PPP1R14C: variants seen among roughly 807,000 people sequenced by gnomAD.
PPP1R14C encodes the protein protein phosphatase 1 regulatory subunit 14C.
A neutral mutation model predicts 20.4 loss-of-function variants in PPP1R14C; 16 were observed. The ratio of observed to expected loss-of-function variants is 0.78; its 90% CI spans 0.53 to 1.19. The LOEUF (loss-of-function observed/expected upper bound fraction) is 1.19. PPP1R14C is among the 50% of genes most tolerant of loss of function. The pLI, the probability that PPP1R14C is intolerant of heterozygous loss-of-function variation, is 0.00. For synonymous variants in PPP1R14C, 91 were observed against 91.0 expected (o/e 1.00, Z 0.00); for missense variants, 211 against 220.1 (o/e 0.96, Z 0.26).
At position 150,201,553 on chromosome 6, in the gene PPP1R14C, G is replaced by T. The variant is rs73782244; in HGVS notation, c.307-13191G>T. ...GCATTGAATGGAGAGGAGGCCGGGAGCCCAGCAGGGGAAGCCTTCCAGGCA... is the reference window on the plus strand; with the variant it reads ...GCATTGAATGGAGAGGAGGCCGGGATCCCAGCAGGGGAAGCCTTCCAGGCA... On this transcript the variant is annotated intron_variant, in intron 1 of 3. Transcript: ENST00000361131. This position sits in a 1 kb window ranked among gnomAD's most constrained non-coding sequence, Gnocchi z 4.2. Among the ~76,000 whole-genome samples the T allele has an allele frequency of 5.9e-5, 9 of 152,260 alleles. No homozygotes were observed. Among genetic ancestry groups the T allele is most frequent in the East Asian group, 1.9e-4 (1 of 5,176 alleles).
At chr6:150,233,524 T>G (rs901729852) in intron 3 of PPP1R14C, among the ~76,000 whole-genome samples, 2 of 152,136 alleles carry the variant, frequency 1.3e-5, no homozygotes, top group Non-Finnish European at 2.9e-5. Context: ...AAAATCAAAT[T>G]TGATAATTAG....
At chr6:150,172,400 CTG>C (rs1194729178) in intron 1 of PPP1R14C, among the ~76,000 whole-genome samples, 1 of 152,036 alleles carries the variant, frequency 6.6e-6, no homozygotes, top group Non-Finnish European at 1.5e-5. Flanking sequence ...TTTTGTAAAG[CTG>C]TGTTTTTGTG....
intron 1 of PPP1R14C, chr6:150,195,181 C>A: frequency 1.0e-6 from 1 of 983,574 alleles, no homozygotes. Flanking sequence ...TAAGCCTAAG[C>A]ATTTTACATG....
Position 150,143,514 on chromosome 6 carries a change from GCT to G in PPP1R14C, c.306+17_306+18del. The G allele has an allele frequency of 6.6e-7, 1 of 1,512,658 alleles. No homozygotes were observed. The highest frequency in any genetic ancestry group is 9.0e-7 in the Non-Finnish European group (1 of 1,109,000). The allele number at this position is 1,512,658 out of a possible 1,614,324, so 93.7% of individuals were successfully genotyped here. ...CGGCTGCGAGGTACCTGGGCGCGGGGCTGGGAGGGTCGGGGACCTCTCTAGCT... is the reference window on the plus strand; with the variant it reads ...CGGCTGCGAGGTACCTGGGCGCGGGGGGGAGGGTCGGGGACCTCTCTAGCT... On this transcript the variant is annotated intron_variant, in intron 1 of 3. Transcript: ENST00000361131. The surrounding 1 kb of genome is among the most constrained non-coding windows in gnomAD (Gnocchi z 5.6).
At chr6:150,217,788 CTGTT>C (rs1385790063) in intron 3 of PPP1R14C, among the ~76,000 whole-genome samples, 18 of 152,114 alleles carry the variant, frequency 1.2e-4, no homozygotes, top group Admixed American at 2.0e-4. Context: ...GTTTTGAAGT[CTGTT>C]TGTAACATCA....
In PPP1R14C at chr6:150,250,368, A is replaced by G. The variant is rs943388122; in HGVS notation, c.*1548A>G. On this transcript the variant is annotated 3_prime_UTR_variant, in exon 4 of 4. Coordinates refer to ENST00000361131, the MANE Select transcript of PPP1R14C (RefSeq NM_030949.3). The stretch of plus-strand genomic sequence containing the variant: ...TGGAGCTGCTTACAAGCCTGTTGAC[A>G]TGTGTGGCTTGCACAACACGTTAAC... 87 of 152,678 alleles carry G rather than the reference A, an allele frequency of 5.7e-4. 3 individuals are homozygous for G. Among genetic ancestry groups the G allele is most frequent in the Admixed American group, 6.5e-5 (1 of 15,288 alleles). 9.5% of individuals were successfully genotyped at this position (152,678 alleles called of 1,614,324 possible).
chr6:150,165,037 A>G (rs978633467), intron 1 of PPP1R14C, among the ~76,000 whole-genome samples: 1 of 152,210 alleles, frequency 6.6e-6, no homozygotes, highest in Admixed American at 6.5e-5. Flanking sequence ...ACCTTGATGA[A>G]CTTCCCAGCT....
chr6:150,196,094 T>C, intron 1 of PPP1R14C: 1 of 985,388 alleles, frequency 1.0e-6, no homozygotes, highest in Non-Finnish European at 1.2e-6. Context: ...CCCCTTTCTA[T>C]AAATAGGAGC....
At chr6:150,216,989 G>A (rs1778102219) in intron 3 of PPP1R14C, 133 bp downstream of exon 3, 2 of 644,540 alleles carry the variant, frequency 3.1e-6, no homozygotes, top group Middle Eastern at 5.3e-4. Flanking sequence ...ATCCATGAGT[G>A]CATATGTTTG....
At position 150,201,068 on chromosome 6, in the gene PPP1R14C, T is replaced by C. The variant is rs1287530974; in HGVS notation, c.307-13676T>C. ...GGGGCCATACATTTTGAGGTCAGAT[T>C]GTCCAGGTTTGGAACTAAGGAAGCG... On this transcript the variant is annotated intron_variant, in intron 1 of 3. Transcript: ENST00000361131. This position sits in a 1 kb window ranked among gnomAD's most constrained non-coding sequence, Gnocchi z 4.2. Among the ~76,000 whole-genome samples, 1 of 152,224 alleles carries C rather than the reference T, an allele frequency of 6.6e-6. No homozygotes were observed. The highest frequency in any genetic ancestry group is 1.5e-5 in the Non-Finnish European group (1 of 68,038).
At chr6:150,233,930 C>T (rs1032039015) in intron 3 of PPP1R14C, among the ~76,000 whole-genome samples, 1 of 152,220 alleles carries the variant, frequency 6.6e-6, no homozygotes, top group Non-Finnish European at 1.5e-5. Context: ...TTCACTCACA[C>T]TGGAACGTTG....
intron 1 of PPP1R14C, among the ~76,000 whole-genome samples, chr6:150,145,077 A>G (rs991062527): frequency 1.3e-5 from 2 of 152,156 alleles, no homozygotes; most frequent in Non-Finnish European, 2.9e-5. Context: ...GTGCACCAGC[A>G]TGGTTCTTTT....
chr6:150,152,119 C>CAAA (rs577869928), intron 1 of PPP1R14C, among the ~76,000 whole-genome samples: 24 of 84,974 alleles, frequency 2.8e-4, no homozygotes, highest in East Asian at 1.6e-3. Context: ...GACTCCGTCT[C>CAAA]AAAAAAAAAA....
At chr6:150,186,498 G>C (rs561624215) in intron 1 of PPP1R14C, among the ~76,000 whole-genome samples, 2 of 152,130 alleles carry the variant, frequency 1.3e-5, no homozygotes, top group Non-Finnish European at 2.9e-5. Flanking sequence ...CATTGCATAG[G>C]TGAGCTCCAC....
At chr6:150,170,317 CT>C (rs540768379) in intron 1 of PPP1R14C, among the ~76,000 whole-genome samples, 3,779 of 142,782 alleles carry the variant, frequency 0.026, 40 homozygotes, top group Non-Finnish European at 0.033. Context: ...GTGCTAGTTA[CT>C]TTTTTTTTTT....
chr6:150,220,579 C>G (rs766669463), intron 3 of PPP1R14C, among the ~76,000 whole-genome samples: 17 of 152,148 alleles, frequency 1.1e-4, no homozygotes, highest in Non-Finnish European at 1.9e-4. Context: ...AGAGGAGGCC[C>G]CATTGGTCGC....
intron 1 of PPP1R14C, among the ~76,000 whole-genome samples, chr6:150,144,577 T>C (rs1030199948): frequency 2.0e-5 from 3 of 152,246 alleles, no homozygotes; most frequent in African/African-American, 7.2e-5. Context: ...TGTTGTGCTC[T>C]TCAACAGAGA....
At chr6:150,203,535 G>A (rs867641634) in intron 1 of PPP1R14C, among the ~76,000 whole-genome samples, 2 of 152,124 alleles carry the variant, frequency 1.3e-5, no homozygotes, top group Non-Finnish European at 2.9e-5. Flanking sequence ...GCACCTGCCC[G>A]TACTGGACAT....
At position 150,201,455 on chromosome 6, in the gene PPP1R14C, G is replaced by A. The variant is rs1394108491; in HGVS notation, c.307-13289G>A. Reference sequence around the variant, plus strand: ...ACCCAGCACGTGCAAAGGCCCTGTGGAGGCCTGGCTGGGGAGTGTCCTGAG... The same window carrying A: ...ACCCAGCACGTGCAAAGGCCCTGTGAAGGCCTGGCTGGGGAGTGTCCTGAG... On this transcript the variant is annotated intron_variant, in intron 1 of 3. Coordinates refer to ENST00000361131, the MANE Select transcript of PPP1R14C (RefSeq NM_030949.3). The surrounding 1 kb of genome is among the most constrained non-coding windows in gnomAD (Gnocchi z 4.2). 6.6e-6 allele frequency among the ~76,000 whole-genome samples: 1 copy of A among 152,220 alleles called. No homozygotes were observed. The highest frequency in any genetic ancestry group is 2.4e-5 in the African/African-American group (1 of 41,460).
Sources: allele counts gnomAD v4.1 joint callset (sites outside exome capture counted in the v4.1 genomes callset), GRCh38; gene constraint gnomAD v4.1.1; non-coding constraint Gnocchi (gnomAD v3.1); transcripts MANE v1.5; gene names NCBI Gene and HGNC (gene_info 2026-07-23, HGNC 2026-07-21).